MGAM: variants seen among roughly 807,000 people sequenced by gnomAD.
MGAM encodes alpha-1,4-glucosidase.
A neutral mutation model predicts 358.8 loss-of-function variants in MGAM; 253 were observed. The observed-to-expected ratio is 0.71, with a 90% CI of 0.64 to 0.78. The LOEUF (loss-of-function observed/expected upper bound fraction) is 0.78. MGAM is among the 30% of genes least tolerant of loss of function. The probability of loss-of-function intolerance (pLI) is 0.00; values close to 1 mark genes in which losing one functional copy is unlikely to be tolerated. For missense variants in MGAM, 3,080 were observed against 3,432.6 expected (o/e 0.90, Z 2.57); for synonymous variants, 1,105 against 1,227.1 (o/e 0.90, Z 2.08).
intron 34 of MGAM, among the ~76,000 whole-genome samples, chr7:142,061,133 A>G (rs1812154441): frequency 6.6e-6 from 1 of 152,182 alleles, no homozygotes; most frequent in South Asian, 2.1e-4. Flanking sequence ...CAAAGCCAGC[A>G]CCTTGGAGAA....
chr7:142,030,402 G>A lies in MGAM; in HGVS notation c.1262G>A (p.Arg421Lys), dbSNP rs374898168. ...HADIDYMDER[R>K]DFTYDSVDFK... ...GATATTGATTATATGGATGAGAGAA[G>A]GGACTTCACTTATGATTCAGTGGAT... is the stretch of plus-strand genomic sequence containing the variant. The change falls in exon 11 of 71, where the codon AGG (arginine) becomes AAG (lysine). Residue 421 changes from arginine to lysine, a missense_variant. This residue lies in a region of MGAM where 1,816 missense variants were observed against 1,840.5 expected (regional missense o/e 0.99). Transcript: ENST00000475668. 13 of 1,613,216 alleles carry A rather than the reference G, an allele frequency of 8.1e-6. No homozygotes were observed. The African/African-American group carries it at 1.7e-4, about 22-fold the overall frequency.
chr7:142,073,465 C>T (rs1813504982), intron 44 of MGAM, among the ~76,000 whole-genome samples: 1 of 146,060 alleles, frequency 6.8e-6, no homozygotes, highest in African/African-American at 2.4e-5. Flanking sequence ...ATAAAAATTG[C>T]TCTCTATCCT....
Position 142,021,658 on chromosome 7 carries a change from G to T in MGAM, c.631G>T (p.Ala211Ser), listed in dbSNP as rs574112628. Residue 211 changes from alanine to serine, a missense_variant, in exon 6 of 71, where the codon GCT becomes TCT. Around this residue, in one of 5 missense-constraint regions of MGAM, gnomAD observed 1,816 missense variants for 1,840.5 expected, o/e 0.99. Coordinates refer to ENST00000475668, the MANE Select transcript of MGAM (RefSeq NM_001365693.1). ...GCAGTCCTTCAGTGGAAATGCTGCT[G>T]CTTCTTTGACCTACCAAGTTGAAAT... ...HVQSFSGNAA[A>S]SLTYQVEISR... 1.2e-6 allele frequency: 2 copies of T among 1,613,938 alleles called. No homozygotes were observed. The highest frequency in any genetic ancestry group is 2.2e-5 in the South Asian group (2 of 91,082).
chr7:142,052,769 G>T lies in MGAM; in HGVS notation c.2959-15G>T. Reference sequence around the variant, plus strand: ...ACATGCTGTGCTGATCTATGACTTTGGCCTTACTTTTCAGGCATCCAATTC... The same window carrying T: ...ACATGCTGTGCTGATCTATGACTTTTGCCTTACTTTTCAGGCATCCAATTC... On this transcript the variant is annotated splice_polypyrimidine_tract_variant and intron_variant, in intron 25 of 70. Coordinates refer to ENST00000475668, the MANE Select transcript of MGAM (RefSeq NM_001365693.1). 2.5e-6 allele frequency: 4 copies of T among 1,613,174 alleles called. No individual in the cohort carries two copies. In the African/African-American group the frequency reaches 5.3e-5, roughly 22 times the overall value.
chr7:142,065,265 G>C (rs1202565409), intron 37 of MGAM, 70 bp from the exon 38 acceptor site: 2 of 1,560,992 alleles, frequency 1.3e-6, no homozygotes, highest in African/African-American at 1.4e-5. Context: ...AAGGGCTCTG[G>C]GAGCAGAAGC....
chr7:142,097,199 A>G (rs542204250), intron 65 of MGAM, among the ~76,000 whole-genome samples: 2 of 152,150 alleles, frequency 1.3e-5, no homozygotes, highest in East Asian at 3.9e-4. Context: ...GGCCTCCCAA[A>G]GTGCTGAGAT....
At chr7:142,084,000 G>C (rs1814554646) in intron 53 of MGAM, among the ~76,000 whole-genome samples, 2 of 145,834 alleles carry the variant, frequency 1.4e-5, no homozygotes, top group South Asian at 4.4e-4. Flanking sequence ...GGTGACCATG[G>C]TTGTTGTGGC....
At chr7:142,081,418 G>C (rs1242518570) in intron 50 of MGAM, among the ~76,000 whole-genome samples, 2 of 143,990 alleles carry the variant, frequency 1.4e-5, no homozygotes, top group African/African-American at 5.1e-5. Flanking sequence ...ACCTGGATGA[G>C]AAGGAGCCAC....
At position 142,054,825 on chromosome 7, in the gene MGAM, C is replaced by T. The variant is rs115294234; in HGVS notation, c.3231C>T (p.Thr1077=). Residue 1077 remains threonine, a synonymous_variant, in exon 27 of 71, where the codon ACC becomes ACT. Transcript: ENST00000475668. The stretch of plus-strand genomic sequence containing the variant: ...ACATACCCAGCATGCCATCCAGCAC[C>T]CCTGAGGGTCAACTCTATGATGTGC... ...PLNIPSMPSS[T]PEGQLYDVLI... 1.9e-3 allele frequency: 3,144 copies of T among 1,613,890 alleles called. 65 individuals carry two copies. In the African/African-American group the frequency reaches 0.037, roughly 19 times the overall value.
chr7:142,082,314 C>T, intron 51 of MGAM, 104 bp downstream of exon 51: 1 of 1,399,158 alleles, frequency 7.1e-7, no homozygotes, highest in Non-Finnish European at 9.8e-7. Context: ...TCACATTCTG[C>T]TTTTAGGCGA....
chr7:142,047,464 T>A (rs1349011130), intron 21 of MGAM, among the ~76,000 whole-genome samples: 1 of 152,126 alleles, frequency 6.6e-6, no homozygotes, highest in Non-Finnish European at 1.5e-5. Context: ...TTGCCCAAGA[T>A]TTATTTCTCT....
chr7:142,058,278 T>G lies in MGAM; in HGVS notation c.3769T>G (p.Ser1257Ala). Residue 1257 changes from serine to alanine, a missense_variant, in exon 31 of 71, where the codon TCT becomes GCT. Transcript: ENST00000475668. Reference protein sequence around the residue: ...QLCRYGYQNDSEIASLYDEMV... With the variant: ...QLCRYGYQNDAEIASLYDEMV... Reference sequence around the variant, plus strand: ...GTGTCGCTATGGCTACCAGAATGACTCTGAGATCGCCAGCTTGTATGATGA... The same window carrying G: ...GTGTCGCTATGGCTACCAGAATGACGCTGAGATCGCCAGCTTGTATGATGA... 1 of 1,613,988 alleles carries G rather than the reference T, an allele frequency of 6.2e-7. No homozygotes were observed.
In MGAM at chr7:142,100,782, T is replaced by A. The variant is rs769759121; in HGVS notation, c.7875-20T>A. 6 of 1,600,242 alleles carry A rather than the reference T, an allele frequency of 3.7e-6. No homozygotes were observed. Among genetic ancestry groups the A allele is most frequent in the Non-Finnish European group, 5.1e-6 (6 of 1,172,666 alleles). The stretch of plus-strand genomic sequence containing the variant: ...TGTGGCTTTACTTTTAGCTAATGCC[T>A]CTCTGCCTGCTCACTGCAGCCGCCA... On this transcript the variant is annotated intron_variant, in intron 67 of 70. Coordinates refer to ENST00000475668, the MANE Select transcript of MGAM (RefSeq NM_001365693.1).
At chr7:142,009,894 C>T (rs2204607) in intron 3 of MGAM, among the ~76,000 whole-genome samples, 15,368 of 152,108 alleles carry the variant, frequency 0.1, 891 homozygotes, top group East Asian at 0.2. Context: ...ATGGTGTTCA[C>T]ATTAAAGGGA....
chr7:142,100,961 T>C (rs10237351), intron 68 of MGAM, 71 bp downstream of exon 68: 4 of 1,331,830 alleles, frequency 3.0e-6, no homozygotes, highest in Non-Finnish European at 3.1e-6. Flanking sequence ...ACAGGCCTGC[T>C]TTCACCTTTT....
At chr7:141,998,980 AC>A (rs1231385665) in intron 1 of MGAM, among the ~76,000 whole-genome samples, 2 of 151,920 alleles carry the variant, frequency 1.3e-5, no homozygotes, top group Admixed American at 6.6e-5. Context: ...TTCCTCATTT[AC>A]CCCCCACTTT....
chr7:142,064,255 T>A, intron 36 of MGAM, 129 bp from the exon 37 acceptor site: 1 of 1,376,270 alleles, frequency 7.3e-7, no homozygotes. Flanking sequence ...CTCATGTCTC[T>A]GGGGAGATGG....
intron 63 of MGAM, 116 bp from the exon 64 acceptor site, chr7:142,095,449 A>G: frequency 1.2e-5 from 17 of 1,428,600 alleles, no homozygotes; most frequent in Non-Finnish European, 1.5e-5. Context: ...CCTCATGTGT[A>G]GTTTTCTTTT....
At position 142,066,558 on chromosome 7, in the gene MGAM, C is replaced by G. The variant is rs1812779025; in HGVS notation, c.4771-15C>G. ...TCCAGGGCGAGCTCCCAACACTGTT[C>G]TCTTTCTCCTTTAGAGACAAGACCC... On this transcript the variant is annotated splice_polypyrimidine_tract_variant and intron_variant, in intron 40 of 70. Transcript: ENST00000475668. The G allele has an allele frequency of 6.4e-7, 1 of 1,553,794 alleles. No homozygotes were observed. Among genetic ancestry groups the G allele is most frequent in the South Asian group, 1.1e-5 (1 of 88,988 alleles).
Sources: allele counts gnomAD v4.1 joint callset (sites outside exome capture counted in the v4.1 genomes callset), GRCh38; gene constraint gnomAD v4.1.1; regional missense constraint gnomAD v4.1.1; transcripts MANE v1.5; gene names NCBI Gene and HGNC (gene_info 2026-07-23, HGNC 2026-07-21).